Variants in TMEM117 observed in about 807,000 individuals in gnomAD.
TMEM117 encodes transmembrane protein 117.
A neutral mutation model predicts 52.4 loss-of-function variants in TMEM117; 27 were observed. That is an observed-to-expected ratio of 0.51 (90% CI 0.38 to 0.71). The LOEUF (loss-of-function observed/expected upper bound fraction) is 0.71. TMEM117 is among the 30% of genes least tolerant of loss of function. TMEM117 has a pLI of 0.00. For missense variants in TMEM117, 556 were observed against 630.5 expected, an observed-to-expected ratio of 0.88 and a Z score of 1.26; for synonymous variants, 215 against 206.3, an observed-to-expected ratio of 1.04 and a Z score of -0.36.
chr12:43,889,176 G>A (rs183714305), intron 2 of TMEM117, among the ~76,000 whole-genome samples: 185 of 151,244 alleles, frequency 1.2e-3, no homozygotes, highest in Non-Finnish European at 2.0e-3. Context: ...TCCGCCTCCC[G>A]GGTACAAGCA....
chr12:44,292,596 A>G (rs191631596), intron 5 of TMEM117, among the ~76,000 whole-genome samples: 1 of 152,008 alleles, frequency 6.6e-6, no homozygotes, highest in East Asian at 1.9e-4. Context: ...GGCAGTTATG[A>G]TTATAAACTT....
At chr12:44,301,685 C>T (rs1270151946) in intron 6 of TMEM117, among the ~76,000 whole-genome samples, 1 of 152,156 alleles carries the variant, frequency 6.6e-6, no homozygotes, top group Non-Finnish European at 1.5e-5. Context: ...ATTTATTTTC[C>T]ATCTCTTATC....
chr12:44,305,716 T>C (rs1950895411), intron 6 of TMEM117, among the ~76,000 whole-genome samples: 2 of 152,194 alleles, frequency 1.3e-5, no homozygotes, highest in Non-Finnish European at 2.9e-5. Context: ...GGTGGGAATG[T>C]AAATTGTTCA....
At chr12:44,063,404 T>C (rs2137960827) in intron 3 of TMEM117, among the ~76,000 whole-genome samples, 1 of 152,222 alleles carries the variant, frequency 6.6e-6, no homozygotes, top group South Asian at 2.1e-4. Flanking sequence ...CACTTGCCAG[T>C]TGAAAAAAGA....
chr12:43,810,150 A>C, the TMEM117 span, among the ~76,000 whole-genome samples: 1 of 152,226 alleles, frequency 6.6e-6, no homozygotes, highest in Non-Finnish European at 1.5e-5. Context: ...AGCACAAAGC[A>C]ACCAGCTTTT....
chr12:43,995,506 C>G (rs1041703499), intron 3 of TMEM117, among the ~76,000 whole-genome samples: 8 of 152,176 alleles, frequency 5.3e-5, no homozygotes, highest in African/African-American at 1.9e-4. Flanking sequence ...GAAGCCATCG[C>G]TAGTGATTAC....
intron 5 of TMEM117, among the ~76,000 whole-genome samples, chr12:44,243,082 G>T (rs1214659433): frequency 6.6e-6 from 1 of 151,788 alleles, no homozygotes; most frequent in Non-Finnish European, 1.5e-5. Flanking sequence ...CATGTCCTTT[G>T]CCCACTTCTT....
chr12:44,079,239 T>G (rs892128998), intron 3 of TMEM117, among the ~76,000 whole-genome samples: 15 of 152,170 alleles, frequency 9.9e-5, no homozygotes, highest in Admixed American at 5.9e-4. Context: ...GTAATGGGAT[T>G]GCTGGGTCAA....
At chr12:44,199,168 A>T (rs1213388002) in intron 4 of TMEM117, among the ~76,000 whole-genome samples, 4 of 82,714 alleles carry the variant, frequency 4.8e-5, no homozygotes, top group Non-Finnish European at 8.1e-5. Flanking sequence ...TGGCCTGTGT[A>T]TGTGAAGATG....
chr12:44,352,057 T>G (rs1457196481), intron 6 of TMEM117, among the ~76,000 whole-genome samples: 1 of 151,962 alleles, frequency 6.6e-6, no homozygotes, highest in African/African-American at 2.4e-5. Flanking sequence ...TTTATTCACT[T>G]TTCTTGCCTT....
chr12:44,373,240 A>G (rs1305232572), intron 6 of TMEM117, among the ~76,000 whole-genome samples: 1 of 152,212 alleles, frequency 6.6e-6, no homozygotes, highest in African/African-American at 2.4e-5. Flanking sequence ...ACATTGCACA[A>G]GAAACCAGTA....
At chr12:43,855,996 T>A (rs1021356531) in intron 2 of TMEM117, among the ~76,000 whole-genome samples, 3 of 152,354 alleles carry the variant, frequency 2.0e-5, no homozygotes, top group African/African-American at 7.2e-5. Context: ...ATGGTTTGAC[T>A]TCCTTTGTGT....
chr12:44,005,714 A>C (rs1469834152), intron 3 of TMEM117, among the ~76,000 whole-genome samples: 1 of 152,186 alleles, frequency 6.6e-6, no homozygotes, highest in Non-Finnish European at 1.5e-5. Flanking sequence ...TCCCCACCCA[A>C]ATCTCATTTT....
downstream of TMEM117, among the ~76,000 whole-genome samples, chr12:44,390,276 A>G (rs1414764004): frequency 6.6e-6 from 1 of 151,772 alleles, no homozygotes; most frequent in African/African-American, 2.4e-5. Context: ...TGCCCATACT[A>G]TCTAAAGGAA....
At chr12:44,119,922 G>T (rs1176792165) in intron 3 of TMEM117, among the ~76,000 whole-genome samples, 1 of 152,130 alleles carries the variant, frequency 6.6e-6, no homozygotes, top group African/African-American at 2.4e-5. Flanking sequence ...CATGGGCAGT[G>T]GTGAAGGATG....
chr12:44,191,695 A>C (rs1269775423), intron 4 of TMEM117, among the ~76,000 whole-genome samples: 1 of 152,152 alleles, frequency 6.6e-6, no homozygotes, highest in African/African-American at 2.4e-5. Context: ...CAGGTCTCAC[A>C]ACAATCATGT....
intron 2 of TMEM117, among the ~76,000 whole-genome samples, chr12:43,942,562 G>C (rs1945060622): frequency 6.6e-6 from 1 of 151,314 alleles, no homozygotes; most frequent in Admixed American, 6.6e-5. Context: ...TTTAACCTTT[G>C]CTTCTCTTGG....
At chr12:44,285,611 T>G (rs906998640) in intron 5 of TMEM117, among the ~76,000 whole-genome samples, 1 of 152,170 alleles carries the variant, frequency 6.6e-6, no homozygotes, top group Non-Finnish European at 1.5e-5. Context: ...CTTCCCTACT[T>G]CCTAAAGAGC....
intron 3 of TMEM117, among the ~76,000 whole-genome samples, chr12:43,990,364 A>G (rs1333920953): frequency 6.6e-6 from 1 of 152,164 alleles, no homozygotes; most frequent in African/African-American, 2.4e-5. Context: ...AGGTAACTCC[A>G]GATTTCCTTT....
Sources: allele counts gnomAD v4.1 joint callset (sites outside exome capture counted in the v4.1 genomes callset), GRCh38; gene constraint gnomAD v4.1.1; transcripts MANE v1.5; gene names NCBI Gene and HGNC (gene_info 2026-07-23, HGNC 2026-07-21).